Variants in AHCYL2 observed in about 807,000 individuals in gnomAD.
AHCYL2 encodes the protein S-adenosylhomocysteine hydrolase-like protein 2.
Under a neutral mutation model 81.4 loss-of-function variants are expected in AHCYL2, and 28 were observed. The observed-to-expected ratio is 0.34, with a 90% confidence interval of 0.25 to 0.47. The LOEUF (loss-of-function observed/expected upper bound fraction) is 0.47. AHCYL2 is among the 20% of genes least tolerant of loss of function. AHCYL2 has a pLI of 1.00. For missense variants in AHCYL2, 551 were observed against 785.1 expected, an observed-to-expected ratio of 0.70 and a Z score of 3.56; for synonymous variants, 272 against 290.2, an observed-to-expected ratio of 0.94 and a Z score of 0.64.
At chr7:129,261,080 G>A (rs1044529640) in intron 1 of AHCYL2, among the ~76,000 whole-genome samples, 3 of 152,110 alleles carry the variant, frequency 2.0e-5, no homozygotes, top group African/African-American at 4.8e-5. Context: ...GTGAGCCACC[G>A]TACCTGGCCT....
At chr7:129,349,421 G>A (rs1475904118) in intron 1 of AHCYL2, among the ~76,000 whole-genome samples, 2 of 141,958 alleles carry the variant, frequency 1.4e-5, no homozygotes, top group East Asian at 2.1e-4. Context: ...ATCACCTGAG[G>A]TCAGTTCGAG....
Position 129,392,150 on chromosome 7 carries a change from T to C in AHCYL2, c.720+2416T>C, listed in dbSNP as rs1795500621. On this transcript the variant is annotated intron_variant, in intron 4 of 16. Transcript: ENST00000325006. The stretch of plus-strand genomic sequence containing the variant: ...CACAATTAGCTTACCAATTTTAATA[T>C]TAATTTATTGTTTCCACCCCACATT... Among the ~76,000 whole-genome samples the C allele has an allele frequency of 2.0e-5, 3 of 152,216 alleles. No homozygotes were observed. In the South Asian group the frequency reaches 6.2e-4, roughly 32 times the overall value.
At chr7:129,317,581 G>A (rs990822415) in intron 1 of AHCYL2, among the ~76,000 whole-genome samples, 1 of 152,198 alleles carries the variant, frequency 6.6e-6, no homozygotes, top group Non-Finnish European at 1.5e-5. Flanking sequence ...CTTGTTAGCA[G>A]AATCCCGTAT....
At chr7:129,340,267 T>A (rs1435667905) in intron 1 of AHCYL2, among the ~76,000 whole-genome samples, 1 of 146,068 alleles carries the variant, frequency 6.8e-6, no homozygotes, top group Non-Finnish European at 1.5e-5. Context: ...TCTGCCAGTT[T>A]AAAAAAAATA....
chr7:129,392,014 T>C (rs1168925754), intron 4 of AHCYL2, among the ~76,000 whole-genome samples: 1 of 152,250 alleles, frequency 6.6e-6, no homozygotes, highest in Non-Finnish European at 1.5e-5. Flanking sequence ...TAAGTGCTTC[T>C]CTACTGTCTC....
chr7:129,248,557 G>C (rs1259832091), intron 1 of AHCYL2, among the ~76,000 whole-genome samples: 1 of 147,738 alleles, frequency 6.8e-6, no homozygotes, highest in African/African-American at 2.5e-5. Flanking sequence ...TGAATCTGTG[G>C]ATGCAGAACC....
intron 1 of AHCYL2, among the ~76,000 whole-genome samples, chr7:129,230,671 C>G: frequency 6.6e-6 from 1 of 150,520 alleles, no homozygotes. Context: ...CTCCCGGGTT[C>G]AAGTGATTCT....
chr7:129,302,685 C>T (rs1797295186), intron 1 of AHCYL2, among the ~76,000 whole-genome samples: 1 of 152,114 alleles, frequency 6.6e-6, no homozygotes, highest in Admixed American at 6.5e-5. Context: ...TATGTTGATC[C>T]ATCCTTATAT....
At chr7:129,379,147 G>A (rs1395151598) in intron 1 of AHCYL2, among the ~76,000 whole-genome samples, 3 of 152,010 alleles carry the variant, frequency 2.0e-5, no homozygotes, top group African/African-American at 2.4e-5. Context: ...AGGTCATTGT[G>A]GTGTGTGCCT....
At chr7:129,288,394 C>T (rs184306875) in intron 1 of AHCYL2, among the ~76,000 whole-genome samples, 8 of 152,198 alleles carry the variant, frequency 5.3e-5, no homozygotes, top group African/African-American at 1.4e-4. Flanking sequence ...GACAGAGTCT[C>T]GCATCACTCA....
intron 7 of AHCYL2, among the ~76,000 whole-genome samples, chr7:129,404,688 C>T (rs2150937201): frequency 6.6e-6 from 1 of 152,250 alleles, no homozygotes; most frequent in South Asian, 2.1e-4. Context: ...AACAAACAAA[C>T]AAACAATAAA....
At chr7:129,243,074 G>T (rs981004227) in intron 1 of AHCYL2, among the ~76,000 whole-genome samples, 2 of 142,114 alleles carry the variant, frequency 1.4e-5, no homozygotes, top group East Asian at 2.1e-4. Context: ...AGGCTGGAGT[G>T]CAGTGGCATG....
rs573237883 is a variant in AHCYL2, at chr7:129,318,551, C to T, written c.364-61087C>T. On this transcript the variant is annotated intron_variant, in intron 1 of 16. Coordinates refer to ENST00000325006, the MANE Select transcript of AHCYL2 (RefSeq NM_015328.4). ...TGGTGGGTAAGATTGTGGAAGATAA[C>T]GGATTATTTAGTAAATGGTGTAGAG... 4.3e-3 allele frequency among the ~76,000 whole-genome samples: 647 copies of T among 152,210 alleles called. 2 individuals are homozygous for T. Among genetic ancestry groups the T allele is most frequent in the Non-Finnish European group, 6.2e-3 (421 of 68,022 alleles).
At chr7:129,303,728 G>T (rs1797329528) in intron 1 of AHCYL2, among the ~76,000 whole-genome samples, 1 of 152,032 alleles carries the variant, frequency 6.6e-6, no homozygotes, top group Non-Finnish European at 1.5e-5. Context: ...TATTTAAGAT[G>T]CATTGTTAGG....
intron 1 of AHCYL2, among the ~76,000 whole-genome samples, chr7:129,231,700 G>C (rs958063166): frequency 2.0e-5 from 3 of 152,206 alleles, no homozygotes; most frequent in African/African-American, 7.2e-5. Context: ...TATGGAATTT[G>C]TAGGAGCTTT....
intron 1 of AHCYL2, among the ~76,000 whole-genome samples, chr7:129,370,702 C>T (rs1794365414): frequency 6.6e-6 from 1 of 152,118 alleles, no homozygotes. Flanking sequence ...CGTCTCAAAA[C>T]AAACAAACAA....
intron 1 of AHCYL2, among the ~76,000 whole-genome samples, chr7:129,273,963 G>A (rs1004889548): frequency 2.6e-5 from 4 of 152,142 alleles, no homozygotes; most frequent in African/African-American, 9.7e-5. Context: ...AGCTTATAAG[G>A]CCACTCCATT....
intron 1 of AHCYL2, among the ~76,000 whole-genome samples, chr7:129,229,673 G>C (rs1794350309): frequency 6.6e-6 from 1 of 152,166 alleles, no homozygotes; most frequent in Non-Finnish European, 1.5e-5. Flanking sequence ...TAAGGCTTAG[G>C]TCATCCCAAG....
intron 1 of AHCYL2, among the ~76,000 whole-genome samples, chr7:129,320,874 A>G (rs1005007618): frequency 6.6e-6 from 1 of 152,166 alleles, no homozygotes; most frequent in East Asian, 1.9e-4. Context: ...GAATCATACA[A>G]TGTATGATCT....
Sources: gnomAD v4.1 joint callset for allele counts (sites outside exome capture counted in the v4.1 genomes callset) on GRCh38, gnomAD v4.1.1 for gene constraint, MANE v1.5 for transcripts, NCBI Gene and HGNC (gene_info 2026-07-23, HGNC 2026-07-21) for gene names.